Variants in PLGRKT observed in about 807,000 individuals in gnomAD.
PLGRKT encodes plasminogen receptor (KT).
A neutral mutation model predicts 18.5 loss-of-function variants in PLGRKT; 22 were observed. The observed-to-expected ratio is 1.19, with a 90% CI of 0.85 to 1.70. The LOEUF is 1.70. Ranked by LOEUF, PLGRKT falls within the 40% of genes most tolerant of loss-of-function variation. PLGRKT has a pLI of 0.00. For missense variants in PLGRKT, 235 were observed against 174.4 expected (o/e 1.35, Z -1.96); for synonymous variants, 72 against 52.8 (o/e 1.36, Z -1.58).
At position 5,379,633 on chromosome 9, in the gene PLGRKT, G is replaced by A. The variant is rs557857022; in HGVS notation, c.82-17745C>T. Among the ~76,000 whole-genome samples the A allele has an allele frequency of 3.3e-5, 5 of 152,018 alleles. No homozygotes were observed. In the East Asian group the frequency reaches 9.7e-4, roughly 29 times the overall value. On this transcript the variant is annotated intron_variant, in intron 3 of 5. Coordinates refer to ENST00000223864, the MANE Select transcript of PLGRKT (RefSeq NM_018465.4). ...AATAAAGTTAACCCAATAGAAAAAGGGCATTTCACTGAAGAATAAATACAA... is the reference window on the plus strand; with the variant it reads ...AATAAAGTTAACCCAATAGAAAAAGAGCATTTCACTGAAGAATAAATACAA...
At chr9:5,358,618 AATT>A (rs1817191483) in intron 5 of PLGRKT, among the ~76,000 whole-genome samples, 1 of 152,334 alleles carries the variant, frequency 6.6e-6, no homozygotes, top group African/African-American at 2.4e-5. Flanking sequence ...CAAGATAAGT[AATT>A]TTTTCCCTTG....
chr9:5,403,407 T>G (rs1334172712), intron 3 of PLGRKT, among the ~76,000 whole-genome samples: 3 of 152,084 alleles, frequency 2.0e-5, no homozygotes, highest in African/African-American at 7.2e-5. Flanking sequence ...GTATTTTTAG[T>G]AGAAACGGGG....
chr9:5,376,329 G>C (rs1456495950), intron 3 of PLGRKT, among the ~76,000 whole-genome samples: 1 of 152,152 alleles, frequency 6.6e-6, no homozygotes, highest in African/African-American at 2.4e-5. Context: ...GCCACGTCTG[G>C]GCCTTGCAAC....
chr9:5,360,546 C>T (rs901933657), intron 5 of PLGRKT, among the ~76,000 whole-genome samples: 1 of 152,142 alleles, frequency 6.6e-6, no homozygotes, highest in Admixed American at 6.5e-5. Context: ...GAAGTCAAGC[C>T]TTGATTTGGC....
At chr9:5,411,379 T>C (rs985877309) in intron 3 of PLGRKT, among the ~76,000 whole-genome samples, 7 of 138,882 alleles carry the variant, frequency 5.0e-5, no homozygotes, top group East Asian at 2.0e-4. Context: ...AGCAAGACCC[T>C]GTTTCAAAAA....
At chr9:5,424,092 T>C (rs1405638110) in intron 3 of PLGRKT, among the ~76,000 whole-genome samples, 1 of 143,736 alleles carries the variant, frequency 7.0e-6, no homozygotes, top group Non-Finnish European at 1.5e-5. Context: ...ATATATAATA[T>C]ATATTATATA....
chr9:5,376,565 CTTT>C (rs953611311), intron 3 of PLGRKT, among the ~76,000 whole-genome samples: 28 of 152,262 alleles, frequency 1.8e-4, no homozygotes, highest in African/African-American at 6.5e-4. Context: ...TGCACCTACT[CTTT>C]GATCTAGTAA....
chr9:5,426,937 C>T (rs1172389656), intron 3 of PLGRKT, among the ~76,000 whole-genome samples: 2 of 152,130 alleles, frequency 1.3e-5, no homozygotes, highest in South Asian at 2.1e-4. Context: ...GAGTGCGTGC[C>T]GCTTTCTGTG....
chr9:5,382,037 A>C, intron 3 of PLGRKT: 1 of 984,500 alleles, frequency 1.0e-6, no homozygotes, highest in South Asian at 4.7e-5. Flanking sequence ...GCACCCTGAA[A>C]AAAAAGTCAT....
chr9:5,402,675 C>T (rs897346139), intron 3 of PLGRKT, among the ~76,000 whole-genome samples: 3 of 152,008 alleles, frequency 2.0e-5, no homozygotes, highest in African/African-American at 7.3e-5. Flanking sequence ...TGTGGTAGGA[C>T]ATCAAACAGA....
chr9:5,399,832 A>G (rs1818122760), intron 3 of PLGRKT, among the ~76,000 whole-genome samples: 1 of 151,584 alleles, frequency 6.6e-6, no homozygotes, highest in South Asian at 2.1e-4. Context: ...GCTACTAAAA[A>G]TACCAAAAAT....
chr9:5,426,923 C>T lies in PLGRKT; in HGVS notation c.81+4974G>A, dbSNP rs374850734. Among the ~76,000 whole-genome samples, 7 of 152,302 alleles carry T rather than the reference C, an allele frequency of 4.6e-5. No individual in the cohort carries two copies. The East Asian group carries it at 1.4e-3, about 29-fold the overall frequency. On this transcript the variant is annotated intron_variant, in intron 3 of 5. Coordinates refer to ENST00000223864, the MANE Select transcript of PLGRKT (RefSeq NM_018465.4). ...GCTCTCCTTCATCTCCTTTATGGGA[C>T]TTGGAGTGCGTGCCGCTTTCTGTGC...
At chr9:5,376,319 G>C (rs1449635182) in intron 3 of PLGRKT, among the ~76,000 whole-genome samples, 1 of 152,124 alleles carries the variant, frequency 6.6e-6, no homozygotes, top group African/African-American at 2.4e-5. Context: ...CAGTGAAGGG[G>C]CCACGTCTGG....
At chr9:5,396,997 T>C (rs949288434) in intron 3 of PLGRKT, among the ~76,000 whole-genome samples, 3 of 152,048 alleles carry the variant, frequency 2.0e-5, no homozygotes, top group Non-Finnish European at 4.4e-5. Context: ...AAGACTATTC[T>C]ACTAAAGCAG....
At chr9:5,416,016 TTG>T (rs986309988) in intron 3 of PLGRKT, among the ~76,000 whole-genome samples, 1 of 152,104 alleles carries the variant, frequency 6.6e-6, no homozygotes, top group African/African-American at 2.4e-5. Flanking sequence ...GTTTTGATCA[TTG>T]TACAATGACT....
chr9:5,422,023 C>G (rs545272340), intron 3 of PLGRKT, among the ~76,000 whole-genome samples: 7 of 152,106 alleles, frequency 4.6e-5, no homozygotes, highest in African/African-American at 1.7e-4. Flanking sequence ...CAGAATCAAG[C>G]ATTTATTTTG....
At chr9:5,390,136 G>T (rs1035136837) in intron 3 of PLGRKT, among the ~76,000 whole-genome samples, 1 of 151,074 alleles carries the variant, frequency 6.6e-6, no homozygotes, top group Non-Finnish European at 1.5e-5. Flanking sequence ...AGGATGGGAG[G>T]GTATTTTTGC....
At chr9:5,387,404 C>A (rs1266049007) in intron 3 of PLGRKT, among the ~76,000 whole-genome samples, 1 of 151,742 alleles carries the variant, frequency 6.6e-6, no homozygotes, top group Non-Finnish European at 1.5e-5. Context: ...ATCCACATGA[C>A]CATCAACAGC....
intron 3 of PLGRKT, among the ~76,000 whole-genome samples, chr9:5,395,888 GTTTT>G (rs201547310): frequency 0.35 from 45,739 of 129,468 alleles, 8,929 homozygotes; most frequent in African/African-American, 0.56. Context: ...TAACCTAACA[GTTTT>G]TTTTTTTTTT....
Sources: gnomAD v4.1 joint callset for allele counts (sites outside exome capture counted in the v4.1 genomes callset) on GRCh38, gnomAD v4.1.1 for gene constraint, MANE v1.5 for transcripts, NCBI Gene and HGNC (gene_info 2026-07-23, HGNC 2026-07-21) for gene names.